TIMELESS: variants seen among roughly 807,000 people sequenced by gnomAD.
TIMELESS encodes protein timeless homolog.
A neutral mutation model predicts 164.3 loss-of-function variants in TIMELESS; 124 were observed. The ratio of observed to expected loss-of-function variants is 0.75; its 90% CI spans 0.65 to 0.88. TIMELESS has a LOEUF of 0.88. Ranked by LOEUF, TIMELESS falls within the 40% of genes least tolerant of loss-of-function variation. The pLI, the probability that TIMELESS is intolerant of heterozygous loss-of-function variation, is 0.00. For missense variants in TIMELESS, 1,422 were observed against 1,491.4 expected (o/e 0.95, Z 0.77); for synonymous variants, 564 against 563.4 (o/e 1.00, Z -0.02).
chr12:56,426,902 T>C (rs1055843309), intron 13 of TIMELESS, among the ~76,000 whole-genome samples: 1 of 152,136 alleles, frequency 6.6e-6, no homozygotes, highest in Non-Finnish European at 1.5e-5. Flanking sequence ...GTTTCCAGGA[T>C]ACAAATTCCT....
intron 5 of TIMELESS, 45 bp from the exon 6 acceptor site, chr12:56,433,172 G>A (rs1256062184): frequency 6.3e-7 from 1 of 1,583,736 alleles, no homozygotes; most frequent in Non-Finnish European, 8.7e-7. Flanking sequence ...GTGGAAGGCA[G>A]GCAGTATGTA....
intron 26 of TIMELESS, among the ~76,000 whole-genome samples, chr12:56,420,321 A>G (rs556538938): frequency 1.3e-5 from 2 of 152,146 alleles, no homozygotes; most frequent in South Asian, 2.1e-4. Flanking sequence ...AATCAAGACT[A>G]TATTTTAAAA....
In TIMELESS at chr12:56,423,908, AG is replaced by A. The variant is rs1177556550; in HGVS notation, c.1869-15del. ...GGCCACACCTCCCTGGAGCACAGATAGAAAAAAGGCTTTACCCAGGGGAAAT... is the reference window on the plus strand; with the variant it reads ...GGCCACACCTCCCTGGAGCACAGATAAAAAAAGGCTTTACCCAGGGGAAAT... On this transcript the variant is annotated splice_polypyrimidine_tract_variant and intron_variant, in intron 15 of 28. Transcript: ENST00000553532. 1 of 1,611,930 alleles carries A rather than the reference AG, an allele frequency of 6.2e-7. No individual in the cohort carries two copies. The highest frequency in any genetic ancestry group is 8.5e-7 in the Non-Finnish European group (1 of 1,178,002).
At chr12:56,441,379 T>C (rs754260977) in intron 1 of TIMELESS, among the ~76,000 whole-genome samples, 3 of 150,490 alleles carry the variant, frequency 2.0e-5, no homozygotes, top group Non-Finnish European at 4.4e-5. Context: ...ACTAATACTT[T>C]GGGAGGTTGA....
chr12:56,419,704 A>G (rs1881390923), intron 26 of TIMELESS, among the ~76,000 whole-genome samples: 1 of 152,046 alleles, frequency 6.6e-6, no homozygotes, highest in African/African-American at 2.4e-5. Context: ...CTCTGGACAG[A>G]GGACTTGACC....
In TIMELESS at chr12:56,432,536, G is replaced by A; in HGVS notation, c.532-12C>T. 1 of 1,611,566 alleles carries A rather than the reference G, an allele frequency of 6.2e-7. No homozygotes were observed. The highest frequency in any genetic ancestry group is 1.1e-5 in the South Asian group (1 of 91,014). On this transcript the variant is annotated splice_polypyrimidine_tract_variant and intron_variant, in intron 6 of 28. Coordinates refer to ENST00000553532, the MANE Select transcript of TIMELESS (RefSeq NM_003920.5). ...TCATCATCAATCTTCTGAGCAGTGA[G>A]TGGTGAGGGTAGAAAGGAAGCTCAT... is the stretch of plus-strand genomic sequence containing the variant.
intron 9 of TIMELESS, 129 bp from the exon 10 acceptor site, chr12:56,430,410 G>A: frequency 2.8e-6 from 3 of 1,071,684 alleles, no homozygotes; most frequent in Non-Finnish European, 3.9e-6. Context: ...CTGTCACCCA[G>A]GCTGGAGTGT....
chr12:56,418,527 C>T (rs183733028), intron 26 of TIMELESS, among the ~76,000 whole-genome samples, 168 bp from the exon 27 acceptor site: 117 of 151,466 alleles, frequency 7.7e-4, no homozygotes, highest in Admixed American at 2.9e-3. Flanking sequence ...TAGCACAGTG[C>T]CTGCTACATT....
rs1881456112 is a variant in TIMELESS at position 56,420,900 on chromosome 12, C to T, written c.3041-19G>A. On this transcript the variant is annotated intron_variant, in intron 24 of 28. Coordinates refer to ENST00000553532, the MANE Select transcript of TIMELESS (RefSeq NM_003920.5). ...GAAAAGCCTAAGGAAATGAGGGAAA[C>T]TTACATTTGACCCTACTCCCAAGCC... 1 of 1,614,134 alleles carries T rather than the reference C, an allele frequency of 6.2e-7. No individual in the cohort carries two copies. The highest frequency in any genetic ancestry group is 2.2e-5 in the East Asian group (1 of 44,874).
intron 4 of TIMELESS, 21 bp downstream of exon 4, chr12:56,433,517 G>C: frequency 4.3e-6 from 7 of 1,613,862 alleles, no homozygotes; most frequent in Non-Finnish European, 5.9e-6. Context: ...CCACCCCAGG[G>C]ACTCCAAAGG....
At chr12:56,421,172 G>A (rs951435966) in intron 23 of TIMELESS, 38 bp from the exon 24 acceptor site, 4 of 1,612,256 alleles carry the variant, frequency 2.5e-6, no homozygotes, top group Non-Finnish European at 3.4e-6. Flanking sequence ...GAAAATGAAG[G>A]CAACACAAGG....
rs746518734 is a variant in TIMELESS at position 56,431,517 on chromosome 12, G to A, written c.775C>T (p.Arg259Ter). 3.0e-5 allele frequency: 48 copies of A among 1,613,362 alleles called. No homozygotes were observed. Among genetic ancestry groups the A allele is most frequent in the Non-Finnish European group, 4.0e-5 (47 of 1,179,896 alleles). The part of the protein sequence containing the change: ...DFAELEVLRQ[R>*]EMAEKKTRAL... ...CGAGTCTTCTTTTCTGCCATCTCTC[G>A]CTGGCGCAACACCTCCAGTTCTGCA... Residue 259 changes from arginine to a stop codon, truncating the protein, a stop_gained, in exon 8 of 29, where the codon CGA becomes TGA. Coordinates refer to ENST00000553532, the MANE Select transcript of TIMELESS (RefSeq NM_003920.5). LOFTEE classifies it high-confidence loss of function.
At chr12:56,429,286 C>T (rs1274480168) in intron 10 of TIMELESS, among the ~76,000 whole-genome samples, 186 bp from the exon 11 acceptor site, 1 of 151,900 alleles carries the variant, frequency 6.6e-6, no homozygotes, top group African/African-American at 2.4e-5. Context: ...GCAACTTCCA[C>T]CTCCTGGGTT....
Position 56,430,236 on chromosome 12 carries a change from G to A in TIMELESS, c.955C>T (p.Pro319Ser). The A allele has an allele frequency of 6.2e-7, 1 of 1,613,904 alleles. No individual in the cohort carries two copies. The highest frequency in any genetic ancestry group is 8.5e-7 in the Non-Finnish European group (1 of 1,179,892). Residue 319 changes from proline to serine, a missense_variant, in exon 10 of 29, where the codon CCT (proline) becomes TCT (serine). Transcript: ENST00000553532. The stretch of plus-strand genomic sequence containing the variant: ...TCTCGGGCGGCCTGGCGACGTTTAG[G>A]CACCTTTTTCGGCTGCTTTCCCAAA... ...SDLGKQPKKV[P>S]KRRQAARELS...
Position 56,421,446 on chromosome 12 carries a change from C to A in TIMELESS, c.2773G>T (p.Ala925Ser), listed in dbSNP as rs201218444. 7 of 1,613,972 alleles carry A rather than the reference C, an allele frequency of 4.3e-6. No individual in the cohort carries two copies. Among genetic ancestry groups the A allele is most frequent in the Non-Finnish European group, 5.9e-6 (7 of 1,179,994 alleles). The change falls in exon 23 of 29, where the codon GCC becomes TCC. Residue 925 changes from alanine (A) to serine (S), a missense_variant. Transcript: ENST00000553532. ...GCCAAGAGTTTATCCACTATTCGGG[C>A]CCGTGAGCGTTTGGCTGTGATATTC... Reference protein sequence around the residue: ...MKNITAKRSRARIVDKLLALG... With the variant: ...MKNITAKRSRSRIVDKLLALG...
At chr12:56,425,600 C>T (rs912159893) in intron 13 of TIMELESS, among the ~76,000 whole-genome samples, 1 of 152,162 alleles carries the variant, frequency 6.6e-6, no homozygotes, top group Admixed American at 6.6e-5. Flanking sequence ...GACAGCCAGG[C>T]GCAGTGGCTC....
At chr12:56,422,748 G>T in intron 19 of TIMELESS, 99 bp downstream of exon 19, 1 of 1,311,654 alleles carries the variant, frequency 7.6e-7, no homozygotes, top group Non-Finnish European at 1.1e-6. Flanking sequence ...AAGAAACAGT[G>T]GGCTAAATGA....
Position 56,434,064 on chromosome 12 carries a change from AG to A in TIMELESS, c.97+9del. ...CAATTTTTTTCCTGTTTCATCAAAAAGGTACTCACCTAAGCAATCTGGTTCC... is the reference window on the plus strand; with the variant it reads ...CAATTTTTTTCCTGTTTCATCAAAAAGTACTCACCTAAGCAATCTGGTTCC... On this transcript the variant is annotated intron_variant, in intron 2 of 28. Coordinates refer to ENST00000553532, the MANE Select transcript of TIMELESS (RefSeq NM_003920.5). 1 of 1,613,714 alleles carries A rather than the reference AG, an allele frequency of 6.2e-7. No homozygotes were observed. Among genetic ancestry groups the A allele is most frequent in the Non-Finnish European group, 8.5e-7 (1 of 1,179,594 alleles).
chr12:56,430,906 AG>A lies in TIMELESS; in HGVS notation c.883del (p.Leu295SerfsTer44). ...QGLKSIGERD[L>X]IFHKGLHNLR... Reference sequence around the variant, plus strand: ...GTTGTGAAGGCCTTTGTGAAAGATGAGGTCCCTCTCCCCAATGGATTTCAAC... The same window carrying A: ...GTTGTGAAGGCCTTTGTGAAAGATGAGTCCCTCTCCCCAATGGATTTCAAC... On this transcript the variant is annotated frameshift_variant, in exon 9 of 29. Coordinates refer to ENST00000553532, the MANE Select transcript of TIMELESS (RefSeq NM_003920.5). LOFTEE classifies it high-confidence loss of function. The A allele has an allele frequency of 6.2e-7, 1 of 1,604,500 alleles. No homozygotes were observed. The highest frequency in any genetic ancestry group is 8.5e-7 in the Non-Finnish European group (1 of 1,175,770).
Sources: gnomAD v4.1 joint callset for allele counts (sites outside exome capture counted in the v4.1 genomes callset) on GRCh38, gnomAD v4.1.1 for gene constraint, MANE v1.5 for transcripts, NCBI Gene and HGNC (gene_info 2026-07-23, HGNC 2026-07-21) for gene names.